The following CASQ2 variants were observed in gnomAD, a reference collection of about 807,000 sequenced individuals.
The protein encoded by CASQ2 is calsequestrin 2.
CASQ2 carries 49 observed loss-of-function variants against 46.5 expected under a neutral mutation model. The observed-to-expected ratio is 1.05, with a 90% confidence interval of 0.84 to 1.34. The LOEUF is 1.34. Ranked by LOEUF, CASQ2 falls within the 40% of genes most tolerant of loss-of-function variation. The probability of loss-of-function intolerance (pLI) is 0.00; values close to 1 mark genes in which losing one functional copy is unlikely to be tolerated. For missense variants in CASQ2, 486 were observed against 481.3 expected, an observed-to-expected ratio of 1.01 and a Z score of -0.09; for synonymous variants, 174 against 168.5, an observed-to-expected ratio of 1.03 and a Z score of -0.25.
rs146386739 is a variant in CASQ2 at position 115,753,664 on chromosome 1, C to T, written c.235-8752G>A. On this transcript the variant is annotated intron_variant, in intron 1 of 10. Coordinates refer to ENST00000261448, the MANE Select transcript of CASQ2 (RefSeq NM_001232.4). Reference sequence around the variant, plus strand: ...GCACATCCAATACCTCCATAAAGACCCCACCCAATCCAGTCTCTTCATAGG... The same window carrying T: ...GCACATCCAATACCTCCATAAAGACTCCACCCAATCCAGTCTCTTCATAGG... Among the ~76,000 whole-genome samples, 339 of 152,266 alleles carry T rather than the reference C, an allele frequency of 2.2e-3. 1 individual carries two copies. Among genetic ancestry groups the T allele is most frequent in the African/African-American group, 7.8e-3 (325 of 41,550 alleles).
chr1:115,710,761 G>A (rs758682257), intron 8 of CASQ2, among the ~76,000 whole-genome samples: 1 of 152,182 alleles, frequency 6.6e-6, no homozygotes, highest in Non-Finnish European at 1.5e-5. Flanking sequence ...CTGGAGCTGT[G>A]AGAACTGCAA....
At chr1:115,726,646 T>A (rs1647601189) in intron 6 of CASQ2, among the ~76,000 whole-genome samples, 1 of 152,230 alleles carries the variant, frequency 6.6e-6, no homozygotes, top group Non-Finnish European at 1.5e-5. Flanking sequence ...GGAGATTAGA[T>A]AAAATAGTTT....
At chr1:115,708,149 T>C (rs1654421943) in intron 8 of CASQ2, among the ~76,000 whole-genome samples, 1 of 152,150 alleles carries the variant, frequency 6.6e-6, no homozygotes, top group Admixed American at 6.5e-5. Flanking sequence ...AAAAATCAAA[T>C]GGGTTGTAGT....
chr1:115,716,620 C>T (rs2101067553), intron 8 of CASQ2, among the ~76,000 whole-genome samples: 1 of 152,304 alleles, frequency 6.6e-6, no homozygotes, highest in South Asian at 2.1e-4. Flanking sequence ...GTGTACCTTT[C>T]TATGTTTGGG....
intron 1 of CASQ2, among the ~76,000 whole-genome samples, chr1:115,753,548 T>G (rs766183658): frequency 3.3e-5 from 5 of 152,178 alleles, no homozygotes; most frequent in Non-Finnish European, 5.9e-5. Context: ...AAAGACATGT[T>G]AGAGCAGGTG....
chr1:115,733,577 G>A (rs1025374038), intron 4 of CASQ2, among the ~76,000 whole-genome samples: 2 of 152,002 alleles, frequency 1.3e-5, no homozygotes, highest in African/African-American at 4.8e-5. Flanking sequence ...ATTGACTATG[G>A]TCTCAAACTT....
intron 3 of CASQ2, among the ~76,000 whole-genome samples, chr1:115,739,392 G>A (rs1648098755): frequency 6.6e-6 from 1 of 152,040 alleles, no homozygotes; most frequent in Non-Finnish European, 1.5e-5. Context: ...TGGGATTACA[G>A]GCATGAGCCA....
At chr1:115,715,752 C>G in intron 8 of CASQ2, among the ~76,000 whole-genome samples, 1 of 152,018 alleles carries the variant, frequency 6.6e-6, no homozygotes, top group East Asian at 1.9e-4. Context: ...CTGTAAGAAA[C>G]TATGGAGGCT....
chr1:115,741,468 C>T (rs1648177728), intron 2 of CASQ2, among the ~76,000 whole-genome samples: 1 of 152,188 alleles, frequency 6.6e-6, no homozygotes, highest in African/African-American at 2.4e-5. Context: ...TGAACTCATG[C>T]CATTATTGAT....
At chr1:115,759,302 A>G (rs1029244775) in intron 1 of CASQ2, among the ~76,000 whole-genome samples, 3 of 152,214 alleles carry the variant, frequency 2.0e-5, no homozygotes, top group South Asian at 2.1e-4. Context: ...CCCCTTATAA[A>G]CAGATGAATA....
chr1:115,721,683 G>GC (rs1647379619), intron 7 of CASQ2, among the ~76,000 whole-genome samples: 1 of 152,072 alleles, frequency 6.6e-6, no homozygotes, highest in Non-Finnish European at 1.5e-5. Flanking sequence ...GGATGCTCCT[G>GC]CCTCAGCCTC....
intron 5 of CASQ2, among the ~76,000 whole-genome samples, chr1:115,731,462 C>A (rs967478465): frequency 1.3e-5 from 2 of 152,306 alleles, no homozygotes; most frequent in African/African-American, 4.8e-5. Context: ...GATTCAGTTT[C>A]GGCTTCTCTG....
chr1:115,705,159 A>T, intron 9 of CASQ2, 33 bp downstream of exon 9: 1 of 1,346,032 alleles, frequency 7.4e-7, no homozygotes, highest in South Asian at 1.2e-5. Context: ...TGTGACAGCA[A>T]CTGAGGGTGG....
chr1:115,761,470 A>G (rs71519716), intron 1 of CASQ2, among the ~76,000 whole-genome samples: 170 of 6,286 alleles, frequency 0.027, 11 homozygotes, highest in East Asian at 0.071. Context: ...GAAGGAGAAG[A>G]AGAAGAAGAA....
At chr1:115,756,908 C>T (rs1194061303) in intron 1 of CASQ2, among the ~76,000 whole-genome samples, 1 of 152,128 alleles carries the variant, frequency 6.6e-6, no homozygotes, top group Non-Finnish European at 1.5e-5. Flanking sequence ...GATTGTGCCA[C>T]CGCACTCCAG....
chr1:115,703,289 A>G (rs1654268239), intron 9 of CASQ2, among the ~76,000 whole-genome samples: 2 of 152,230 alleles, frequency 1.3e-5, no homozygotes, highest in Admixed American at 6.5e-5. Context: ...TTTATAGTTT[A>G]TAGAGCCATT....
At chr1:115,726,728 T>A (rs898466992) in intron 6 of CASQ2, among the ~76,000 whole-genome samples, 6 of 152,252 alleles carry the variant, frequency 3.9e-5, no homozygotes, top group African/African-American at 1.4e-4. Flanking sequence ...TAGTATAGAA[T>A]TTTATTTATA....
intron 4 of CASQ2, among the ~76,000 whole-genome samples, chr1:115,736,555 T>C (rs528497201): frequency 1.2e-4 from 18 of 152,052 alleles, no homozygotes; most frequent in African/African-American, 4.1e-4. Flanking sequence ...GAGAATCACT[T>C]GAACCCAGGA....
intron 1 of CASQ2, among the ~76,000 whole-genome samples, chr1:115,752,350 G>A (rs540512776): frequency 1.9e-4 from 29 of 152,214 alleles, no homozygotes; most frequent in Non-Finnish European, 2.4e-4. Flanking sequence ...CTATGTCCAC[G>A]TCTGTTTTTC....
Sources: gnomAD v4.1 joint callset for allele counts (sites outside exome capture counted in the v4.1 genomes callset) on GRCh38, gnomAD v4.1.1 for gene constraint, MANE v1.5 for transcripts, NCBI Gene and HGNC (gene_info 2026-07-23, HGNC 2026-07-21) for gene names.